Variants in FBXO42 observed in about 807,000 individuals in gnomAD.
The protein encoded by FBXO42 is F-box protein 42, also known as F-box only protein 42.
A neutral mutation model predicts 71.7 loss-of-function variants in FBXO42; 12 were observed. That is an observed-to-expected ratio of 0.17 (90% CI 0.11 to 0.27). The LOEUF (loss-of-function observed/expected upper bound fraction) is 0.27, where lower values mean the gene tolerates loss of function less well. Ranked by LOEUF, FBXO42 falls within the 10% of genes least tolerant of loss-of-function variation. The pLI is 1.00. For missense variants in FBXO42, 707 were observed against 911.9 expected (o/e 0.78, Z 2.89); for synonymous variants, 325 against 327.5 (o/e 0.99, Z 0.08).
At chr1:16,303,994 G>A (rs367895759) in intron 3 of FBXO42, among the ~76,000 whole-genome samples, 1 of 152,126 alleles carries the variant, frequency 6.6e-6, no homozygotes, top group East Asian at 1.9e-4. Flanking sequence ...TAGCAGAGAC[G>A]GGGTTGTACC....
At chr1:16,319,135 G>T (rs1044918521) in intron 1 of FBXO42, among the ~76,000 whole-genome samples, 3 of 152,178 alleles carry the variant, frequency 2.0e-5, no homozygotes, top group African/African-American at 7.2e-5. Flanking sequence ...CCCAAAATTG[G>T]GAAAAGCTGG....
intron 2 of FBXO42, among the ~76,000 whole-genome samples, chr1:16,314,961 T>C (rs569455788): frequency 6.6e-6 from 1 of 152,120 alleles, no homozygotes; most frequent in East Asian, 1.9e-4. Context: ...ACAATCCTCA[T>C]TTTAAAATGC....
At chr1:16,280,366 A>C (rs2081950378) in intron 4 of FBXO42, among the ~76,000 whole-genome samples, 1 of 152,230 alleles carries the variant, frequency 6.6e-6, no homozygotes, top group Non-Finnish European at 1.5e-5. Context: ...GGAGACAAAA[A>C]GCCTAAATGT....
At chr1:16,334,046 G>A (rs997468548) in intron 1 of FBXO42, among the ~76,000 whole-genome samples, 1 of 152,178 alleles carries the variant, frequency 6.6e-6, no homozygotes, top group African/African-American at 2.4e-5. Flanking sequence ...AGTGATGACT[G>A]TGCAGAATAC....
At chr1:16,292,974 G>A (rs1014805488) in intron 4 of FBXO42, 1 of 152,174 alleles carries the variant, frequency 6.6e-6, no homozygotes, top group East Asian at 1.9e-4. Flanking sequence ...GCAAGATCTT[G>A]TCTCAAAAAA....
intron 1 of FBXO42, among the ~76,000 whole-genome samples, chr1:16,341,460 A>T (rs1339139496): frequency 2.0e-5 from 3 of 151,650 alleles, no homozygotes. Flanking sequence ...ATTATTTGGG[A>T]GTGGTGGTGC....
intron 1 of FBXO42, among the ~76,000 whole-genome samples, chr1:16,341,166 A>C (rs1257311961): frequency 6.6e-6 from 1 of 152,226 alleles, no homozygotes; most frequent in African/African-American, 2.4e-5. Flanking sequence ...CATAAGAGAA[A>C]AAAAGAATAT....
chr1:16,327,454 GT>G (rs2082460946), intron 1 of FBXO42, among the ~76,000 whole-genome samples: 1 of 152,060 alleles, frequency 6.6e-6, no homozygotes, highest in African/African-American at 2.4e-5. Context: ...AAACCAAAAA[GT>G]AAAACAAAAC....
At position 16,345,189 on chromosome 1, in the gene FBXO42, C is replaced by T. The variant is rs532720144; in HGVS notation, c.-18+7066G>A. 3.3e-5 allele frequency among the ~76,000 whole-genome samples: 5 copies of T among 149,306 alleles called. No homozygotes were observed. In the East Asian group the frequency reaches 1.0e-3, roughly 31 times the overall value. On this transcript the variant is annotated intron_variant, in intron 1 of 9. Transcript: ENST00000375592. ...CTGTAATCCCAGCACTTTGGGAGAC[C>T]AAGGCAGGCGGATCACGAGGCCAGG...
intron 4 of FBXO42, among the ~76,000 whole-genome samples, chr1:16,269,329 T>C (rs1012312437): frequency 2.6e-5 from 4 of 151,996 alleles, no homozygotes; most frequent in Admixed American, 6.6e-5. Flanking sequence ...CCGTGGGTGA[T>C]CTGCCTGCCT....
At chr1:16,340,461 A>T (rs7520404) in intron 1 of FBXO42, among the ~76,000 whole-genome samples, 1 of 151,778 alleles carries the variant, frequency 6.6e-6, no homozygotes, top group Admixed American at 6.6e-5. Context: ...GCTGGAATTA[A>T]AGGCGCCCAC....
intron 4 of FBXO42, among the ~76,000 whole-genome samples, chr1:16,286,895 C>T (rs1195915556): frequency 6.6e-6 from 1 of 152,138 alleles, no homozygotes; most frequent in East Asian, 1.9e-4. Flanking sequence ...TGAGCAAATC[C>T]CTTTGGCTCT....
At chr1:16,287,849 C>T (rs140893598) in intron 4 of FBXO42, among the ~76,000 whole-genome samples, 2,450 of 151,976 alleles carry the variant, frequency 0.016, 63 homozygotes, top group African/African-American at 0.055. Context: ...TTTGGGAAGC[C>T]GGGGCGGGTG....
intron 2 of FBXO42, among the ~76,000 whole-genome samples, chr1:16,313,337 AAAGAAAG>A (rs1165017891): frequency 1.2e-5 from 1 of 81,594 alleles, no homozygotes; most frequent in African/African-American, 3.5e-5. Context: ...AGAAAGAAAG[AAAGAAAG>A]AAAGAAAGAA....
intron 4 of FBXO42, among the ~76,000 whole-genome samples, chr1:16,279,854 C>CTTTTCTTTTTTTTTTT (rs144698838): frequency 1.4e-5 from 2 of 138,168 alleles, no homozygotes; most frequent in Non-Finnish European, 3.1e-5. Flanking sequence ...TTTTTTTTTT[C>CTTTTCTTTTTTTTTTT]TTTTTTTTTT....
chr1:16,291,134 A>G (rs1409167126), intron 4 of FBXO42, among the ~76,000 whole-genome samples: 1 of 152,168 alleles, frequency 6.6e-6, no homozygotes. Context: ...CTGTTAGAAG[A>G]CAACCTCACA....
intron 1 of FBXO42, among the ~76,000 whole-genome samples, chr1:16,323,794 CA>C (rs1158421632): frequency 4.3e-3 from 269 of 63,254 alleles, no homozygotes; most frequent in Middle Eastern, 0.029. Context: ...GACTCTGTCT[CA>C]AAAAAAAAAA....
rs531493460 is a variant in FBXO42, at chr1:16,341,503, G to C, written c.-18+10752C>G. The stretch of plus-strand genomic sequence containing the variant: ...TAATCCCAGCTACTCAGGAGGCTGA[G>C]GCAGGAGAATCGCTTGAACCTGGGA... On this transcript the variant is annotated intron_variant, in intron 1 of 9. Coordinates refer to ENST00000375592, the MANE Select transcript of FBXO42 (RefSeq NM_018994.3). Among the ~76,000 whole-genome samples, 108 of 151,880 alleles carry C rather than the reference G, an allele frequency of 7.1e-4. 1 individual carries two copies. Among genetic ancestry groups the C allele is most frequent in the African/African-American group, 2.5e-3 (105 of 41,412 alleles).
At chr1:16,277,041 T>C (rs2081911586) in intron 4 of FBXO42, among the ~76,000 whole-genome samples, 1 of 152,222 alleles carries the variant, frequency 6.6e-6, no homozygotes, top group African/African-American at 2.4e-5. Context: ...TATTAATACA[T>C]TTTGGTAATA....
Sources: gnomAD v4.1 joint callset for allele counts (sites outside exome capture counted in the v4.1 genomes callset) on GRCh38, gnomAD v4.1.1 for gene constraint, MANE v1.5 for transcripts, NCBI Gene and HGNC (gene_info 2026-07-23, HGNC 2026-07-21) for gene names.